The following ARID5B variants were observed in gnomAD, a reference collection of about 807,000 sequenced individuals.
ARID5B encodes AT-rich interaction domain 5B, also known as AT-rich interactive domain-containing protein 5B.
In ARID5B, 13 loss-of-function variants were observed where a neutral mutation model predicts 97.2. The ratio of observed to expected loss-of-function variants is 0.13; its 90% CI spans 0.09 to 0.21. The LOEUF is 0.21. ARID5B is among the 10% of genes least tolerant of loss of function. The pLI is 1.00. For missense variants in ARID5B, 1,210 were observed against 1,465.3 expected, an observed-to-expected ratio of 0.83 and a Z score of 2.84; for synonymous variants, 556 against 570.3, an observed-to-expected ratio of 0.97 and a Z score of 0.36.
chr10:62,007,440 G>C (rs58181564), intron 4 of ARID5B, among the ~76,000 whole-genome samples: 1 of 151,948 alleles, frequency 6.6e-6, no homozygotes, highest in Non-Finnish European at 1.5e-5. Context: ...AGTTGTGAAC[G>C]AGACAGAAAA....
chr10:61,916,958 A>C (rs1843917700), intron 2 of ARID5B, among the ~76,000 whole-genome samples: 1 of 152,070 alleles, frequency 6.6e-6, no homozygotes, highest in Non-Finnish European at 1.5e-5. Context: ...ACAATATGAT[A>C]TTCAGGGGAA....
chr10:62,024,194 A>G (rs1047109973), intron 4 of ARID5B, among the ~76,000 whole-genome samples: 2 of 152,238 alleles, frequency 1.3e-5, no homozygotes, highest in African/African-American at 4.8e-5. Context: ...ACCTTATGGA[A>G]TTAAATCGAC....
At chr10:62,062,342 A>T (rs1486471894) in intron 7 of ARID5B, among the ~76,000 whole-genome samples, 1 of 152,226 alleles carries the variant, frequency 6.6e-6, no homozygotes, top group Non-Finnish European at 1.5e-5. Flanking sequence ...CTACTCAAGA[A>T]TAGGGCTCAT....
chr10:62,028,698 T>A (rs911785461), intron 4 of ARID5B, among the ~76,000 whole-genome samples: 71 of 152,140 alleles, frequency 4.7e-4, no homozygotes, highest in African/African-American at 1.5e-3. Flanking sequence ...TGGTGACTCA[T>A]GCCTGTAATC....
intron 9 of ARID5B, among the ~76,000 whole-genome samples, chr10:62,090,477 C>T (rs181536937): frequency 5.9e-4 from 90 of 152,262 alleles, no homozygotes; most frequent in African/African-American, 1.9e-3. Flanking sequence ...AAATCTTTCT[C>T]AGGAGTATCA....
chr10:62,051,238 G>T (rs1839785712), intron 5 of ARID5B: 4 of 591,282 alleles, frequency 6.8e-6, no homozygotes, highest in Non-Finnish European at 1.2e-5. Context: ...CTACCTCCCA[G>T]TTTGGCCTGT....
At chr10:61,926,783 G>T (rs1217114033) in intron 2 of ARID5B, among the ~76,000 whole-genome samples, 1 of 151,530 alleles carries the variant, frequency 6.6e-6, no homozygotes, top group Non-Finnish European at 1.5e-5. Flanking sequence ...TAGTTTTTGG[G>T]TTTTTTTGTA....
At chr10:62,021,066 A>ATATATATC (rs1487253733) in intron 4 of ARID5B, among the ~76,000 whole-genome samples, 69 of 133,332 alleles carry the variant, frequency 5.2e-4, no homozygotes, top group Non-Finnish European at 8.5e-4. Context: ...ATATATATAT[A>ATATATATC]TATCTCAGAA....
intron 3 of ARID5B, among the ~76,000 whole-genome samples, chr10:61,986,684 T>A (rs1238927092): frequency 6.6e-6 from 1 of 152,218 alleles, no homozygotes; most frequent in Non-Finnish European, 1.5e-5. Flanking sequence ...TTTGTTAAAC[T>A]CAGTGTTTCC....
At chr10:61,992,277 G>C (rs1838936960) in intron 3 of ARID5B, among the ~76,000 whole-genome samples, 1 of 152,142 alleles carries the variant, frequency 6.6e-6, no homozygotes, top group South Asian at 2.1e-4. Flanking sequence ...ATAAAAAGTG[G>C]CTCCCGGTCG....
chr10:61,997,388 GA>G (rs921343461), intron 3 of ARID5B, among the ~76,000 whole-genome samples: 11 of 147,020 alleles, frequency 7.5e-5, no homozygotes, highest in African/African-American at 1.7e-4. Context: ...AATGGTTAGA[GA>G]AAAAAAAAAG....
chr10:62,014,109 G>T (rs967151404), intron 4 of ARID5B, among the ~76,000 whole-genome samples: 1 of 151,952 alleles, frequency 6.6e-6, no homozygotes, highest in Non-Finnish European at 1.5e-5. Flanking sequence ...CTTTCTTTTG[G>T]CTATATACCC....
At chr10:62,077,537 A>T (rs1002558700) in intron 8 of ARID5B, among the ~76,000 whole-genome samples, 1 of 152,194 alleles carries the variant, frequency 6.6e-6, no homozygotes, top group Non-Finnish European at 1.5e-5. Context: ...CCCCAAAAAA[A>T]AAGCTTGCCA....
At chr10:62,031,497 T>C (rs895832363) in intron 4 of ARID5B, among the ~76,000 whole-genome samples, 2 of 152,220 alleles carry the variant, frequency 1.3e-5, no homozygotes, top group Non-Finnish European at 2.9e-5. Flanking sequence ...TTGCAGCTTT[T>C]GGACTGAGAC....
chr10:62,074,872 A>T (rs1358951575), intron 8 of ARID5B, among the ~76,000 whole-genome samples: 3 of 152,260 alleles, frequency 2.0e-5, no homozygotes, highest in Admixed American at 2.0e-4. Context: ...ATAAGCATTG[A>T]TACACTTACG....
At chr10:62,012,934 A>G (rs1017339778) in intron 4 of ARID5B, among the ~76,000 whole-genome samples, 8 of 152,158 alleles carry the variant, frequency 5.3e-5, no homozygotes, top group Admixed American at 6.5e-5. Context: ...TGTTGCTGTT[A>G]TGTATAATAT....
At chr10:61,978,650 G>A (rs956031234) in intron 3 of ARID5B, among the ~76,000 whole-genome samples, 1 of 152,086 alleles carries the variant, frequency 6.6e-6, no homozygotes, top group African/African-American at 2.4e-5. Context: ...CTCATGATTT[G>A]GCTCTCTGTT....
chr10:61,908,716 C>T (rs1437317465), intron 2 of ARID5B, among the ~76,000 whole-genome samples: 3 of 142,044 alleles, frequency 2.1e-5, no homozygotes, highest in Admixed American at 7.6e-5. Context: ...AGGAGAATGG[C>T]GTGAACCCGG....
Position 62,091,760 on chromosome 10 carries a change from G to A in ARID5B, c.2297G>A (p.Arg766Lys). The change falls in exon 10 of 10, where the codon AGA (arginine) becomes AAA (lysine). Residue 766 changes from arginine (R) to lysine (K), a missense_variant. Coordinates refer to ENST00000279873, the MANE Select transcript of ARID5B (RefSeq NM_032199.3). ...TTCAGAAGCAAGCCCTCGGAAGAGAGAAAGACCATCAATGACATCTTTAAG... is the reference window on the plus strand; with the variant it reads ...TTCAGAAGCAAGCCCTCGGAAGAGAAAAAGACCATCAATGACATCTTTAAG... ...QSFRSKPSEE[R>K]KTINDIFKHE... is the part of the protein sequence containing the mutation. 1 of 1,614,118 alleles carries A rather than the reference G, an allele frequency of 6.2e-7. No homozygotes were observed. Among genetic ancestry groups the A allele is most frequent in the Non-Finnish European group, 8.5e-7 (1 of 1,180,024 alleles).
Sources: allele counts gnomAD v4.1 joint callset (sites outside exome capture counted in the v4.1 genomes callset), GRCh38; gene constraint gnomAD v4.1.1; transcripts MANE v1.5; gene names NCBI Gene and HGNC (gene_info 2026-07-23, HGNC 2026-07-21).